Variants in ATP8A1 observed in about 807,000 individuals in gnomAD.
ATP8A1 encodes the protein ATPase phospholipid transporting 8A1.
ATP8A1 carries 90 observed loss-of-function variants against 177.7 expected under a neutral mutation model. The ratio of observed to expected loss-of-function variants is 0.51; its 90% CI spans 0.43 to 0.60. ATP8A1 has a LOEUF of 0.60. Among genes scored for constraint, ATP8A1 ranks in the 20% least tolerant of loss-of-function variants. The probability of loss-of-function intolerance (pLI) is 0.00; values close to 1 mark genes in which losing one functional copy is unlikely to be tolerated. For missense variants in ATP8A1, 1,072 were observed against 1,392.8 expected (o/e 0.77, Z 3.67); for synonymous variants, 493 against 485.9 (o/e 1.01, Z -0.19).
intron 35 of ATP8A1, among the ~76,000 whole-genome samples, chr4:42,420,770 CTT>C (rs34285804): frequency 2.7e-3 from 333 of 121,250 alleles, no homozygotes; most frequent in South Asian, 5.7e-3. Context: ...AGCTAGAACT[CTT>C]TTTTTTTTTT....
intron 15 of ATP8A1, among the ~76,000 whole-genome samples, chr4:42,559,360 C>A (rs553508144): frequency 6.6e-6 from 1 of 152,208 alleles, no homozygotes; most frequent in East Asian, 1.9e-4. Flanking sequence ...AGGATATAAA[C>A]ACACAATTCA....
chr4:42,452,327 G>T (rs896545152), intron 29 of ATP8A1, among the ~76,000 whole-genome samples: 2 of 151,892 alleles, frequency 1.3e-5, no homozygotes. Context: ...GCCTGAAAAA[G>T]AAAATAAAAT....
At chr4:42,588,803 C>T (rs1021954707) in intron 7 of ATP8A1, among the ~76,000 whole-genome samples, 1 of 152,114 alleles carries the variant, frequency 6.6e-6, no homozygotes, top group Non-Finnish European at 1.5e-5. Flanking sequence ...GCATTTACTA[C>T]CCTTTTAGCT....
intron 1 of ATP8A1, among the ~76,000 whole-genome samples, chr4:42,655,175 A>G (rs1741491591): frequency 6.6e-6 from 1 of 152,232 alleles, no homozygotes. Context: ...GTGTCACTGA[A>G]CTAGTTACTT....
chr4:42,626,127 A>G (rs1313640105), intron 2 of ATP8A1: 1 of 152,860 alleles, frequency 6.5e-6, no homozygotes, highest in Admixed American at 6.5e-5. Context: ...GTAAACAGAG[A>G]TGCCTTTCCT....
intron 31 of ATP8A1, 94 bp downstream of exon 31, chr4:42,446,489 A>C: frequency 7.7e-7 from 1 of 1,296,670 alleles, no homozygotes; most frequent in Non-Finnish European, 1.1e-6. Flanking sequence ...TTAAATCCAG[A>C]AACACTCATA....
chr4:42,631,346 C>G (rs1738708433), intron 1 of ATP8A1, among the ~76,000 whole-genome samples: 1 of 152,158 alleles, frequency 6.6e-6, no homozygotes, highest in African/African-American at 2.4e-5. Context: ...GATGTCCAAA[C>G]AACAATTAGT....
At chr4:42,640,118 GGATCATAAA>G (rs1354205008) in intron 1 of ATP8A1, among the ~76,000 whole-genome samples, 1 of 152,118 alleles carries the variant, frequency 6.6e-6, no homozygotes, top group African/African-American at 2.4e-5. Flanking sequence ...AAAAGAAGAT[GGATCATAAA>G]GATCATAAAC....
At chr4:42,455,679 T>C in intron 27 of ATP8A1, 80 bp from the exon 28 acceptor site, 1 of 1,231,086 alleles carries the variant, frequency 8.1e-7, no homozygotes, top group Non-Finnish European at 1.2e-6. Flanking sequence ...TATACTCAAC[T>C]GCTGCATAAT....
chr4:42,433,473 G>A (rs1181482167), intron 33 of ATP8A1, among the ~76,000 whole-genome samples: 1 of 152,148 alleles, frequency 6.6e-6, no homozygotes, highest in Non-Finnish European at 1.5e-5. Context: ...ACTGAATTGG[G>A]CTCTTACATG....
chr4:42,495,305 A>G (rs141721265), intron 24 of ATP8A1, among the ~76,000 whole-genome samples: 10 of 152,360 alleles, frequency 6.6e-5, no homozygotes, highest in Non-Finnish European at 1.5e-4. Flanking sequence ...AGAGTGAGTT[A>G]TGGCTCCCAT....
chr4:42,448,401 C>CTTTTT (rs1226963744), intron 30 of ATP8A1, among the ~76,000 whole-genome samples: 1 of 99,556 alleles, frequency 1.0e-5, no homozygotes, highest in Non-Finnish European at 1.9e-5. Context: ...TCTTTCTTTT[C>CTTTTT]TTTTTTTTTT....
At chr4:42,428,457 T>C (rs917700604) in intron 33 of ATP8A1, among the ~76,000 whole-genome samples, 10 of 152,206 alleles carry the variant, frequency 6.6e-5, no homozygotes, top group African/African-American at 2.4e-4. Flanking sequence ...TTTTACCCTG[T>C]GTCCAATATT....
intron 35 of ATP8A1, among the ~76,000 whole-genome samples, chr4:42,422,174 C>T (rs1289488581): frequency 6.6e-6 from 1 of 152,146 alleles, no homozygotes; most frequent in Admixed American, 6.5e-5. Context: ...TCACTACAAC[C>T]TCTGCCTCCC....
chr4:42,448,828 G>GT (rs55946444), intron 30 of ATP8A1, among the ~76,000 whole-genome samples: 70 of 84,228 alleles, frequency 8.3e-4, no homozygotes, highest in African/African-American at 2.9e-3. Flanking sequence ...TGTACTTTGC[G>GT]TTTTTTTTTT....
At chr4:42,433,968 A>G (rs1715615364) in intron 33 of ATP8A1, among the ~76,000 whole-genome samples, 4 of 152,158 alleles carry the variant, frequency 2.6e-5, no homozygotes, top group Admixed American at 2.6e-4. Flanking sequence ...CTATATATCA[A>G]TGCATACTGA....
intron 23 of ATP8A1, among the ~76,000 whole-genome samples, chr4:42,504,514 C>A (rs1023492285): frequency 6.6e-6 from 1 of 152,242 alleles, no homozygotes; most frequent in African/African-American, 2.4e-5. Context: ...ATCTTGTTGT[C>A]TCTACCTTTA....
chr4:42,444,751 T>G, intron 31 of ATP8A1, 117 bp from the exon 32 acceptor site: 1 of 1,035,284 alleles, frequency 9.7e-7, no homozygotes, highest in Non-Finnish European at 1.4e-6. Context: ...AGGAGACTGC[T>G]GCTTGCTTTG....
intron 1 of ATP8A1, among the ~76,000 whole-genome samples, chr4:42,641,947 T>C (rs1273372589): frequency 6.6e-6 from 1 of 152,070 alleles, no homozygotes; most frequent in Non-Finnish European, 1.5e-5. Flanking sequence ...CTGCTTCTTA[T>C]CTCCATTGTG....
Sources: allele counts gnomAD v4.1 joint callset (sites outside exome capture counted in the v4.1 genomes callset), GRCh38; gene constraint gnomAD v4.1.1; transcripts MANE v1.5; gene names NCBI Gene and HGNC (gene_info 2026-07-23, HGNC 2026-07-21).